KCNG3: variants seen among roughly 807,000 people sequenced by gnomAD.
The protein encoded by KCNG3 is potassium voltage-gated channel modifier subfamily G member 3, also known as voltage-gated potassium channel regulatory subunit KCNG3.
A neutral mutation model predicts 29.0 loss-of-function variants in KCNG3; 15 were observed. The observed-to-expected ratio is 0.52, with a 90% CI of 0.35 to 0.80. The LOEUF is 0.80. Ranked by LOEUF, KCNG3 falls within the 30% of genes least tolerant of loss-of-function variation. KCNG3 has a pLI of 0.01. For missense variants in KCNG3, 512 were observed against 605.7 expected, an observed-to-expected ratio of 0.85 and a Z score of 1.62; for synonymous variants, 322 against 248.9, an observed-to-expected ratio of 1.29 and a Z score of -2.76.
At chr2:42,454,708 A>G (rs1453810447) in intron 1 of KCNG3, among the ~76,000 whole-genome samples, 1 of 151,710 alleles carries the variant, frequency 6.6e-6, no homozygotes, top group Non-Finnish European at 1.5e-5. Flanking sequence ...CTGCCTCAAA[A>G]AAAGAAAAAA....
Position 42,444,868 on chromosome 2 carries a change from C to A in KCNG3, c.666-289G>T, listed in dbSNP as rs1252236662. On this transcript the variant is annotated intron_variant, in intron 1 of 1. Transcript: ENST00000306078. The surrounding 1 kb of genome is among the most constrained non-coding windows in gnomAD (Gnocchi z 5.8). ...CTTGAGCCCAGGAGTTCGAGACCAA[C>A]CTGGGCACCACAGCAAAACCCCGTC... Among the ~76,000 whole-genome samples, 2 of 146,456 alleles carry A rather than the reference C, an allele frequency of 1.4e-5. No individual in the cohort carries two copies. Among genetic ancestry groups the A allele is most frequent in the Non-Finnish European group, 3.0e-5 (2 of 67,018 alleles).
intron 1 of KCNG3, among the ~76,000 whole-genome samples, chr2:42,486,679 T>C (rs183491941): frequency 4.1e-4 from 63 of 152,278 alleles, no homozygotes; most frequent in Admixed American, 9.8e-4. Flanking sequence ...AGAACACTCT[T>C]CTCACTCAAC....
intron 1 of KCNG3, among the ~76,000 whole-genome samples, chr2:42,482,054 G>T (rs552849076): frequency 1.2e-3 from 183 of 152,234 alleles, no homozygotes; most frequent in Non-Finnish European, 2.3e-3. Context: ...AAACTCCTGG[G>T]CTCAAACAAA....
intron 1 of KCNG3, chr2:42,470,281 T>G (rs1366328272): frequency 2.7e-6 from 1 of 364,702 alleles, no homozygotes; most frequent in Non-Finnish European, 5.4e-6. Flanking sequence ...GTCTATGTAC[T>G]CACGCAATAA....
the KCNG3 span, among the ~76,000 whole-genome samples, chr2:42,405,464 CGTCTCACTCT>C: frequency 3.4e-5 from 5 of 149,120 alleles, no homozygotes; most frequent in Non-Finnish European, 7.4e-5. Flanking sequence ...TTTGAGACGG[CGTCTCACTCT>C]GTTTCCCAGG....
At chr2:42,459,725 C>T (rs1672968796) in intron 1 of KCNG3, among the ~76,000 whole-genome samples, 1 of 152,150 alleles carries the variant, frequency 6.6e-6, no homozygotes, top group Non-Finnish European at 1.5e-5. Flanking sequence ...GCCTGTAATC[C>T]CAGCTCTTTG....
chr2:42,433,225 T>C, the KCNG3 span, among the ~76,000 whole-genome samples: 6 of 152,226 alleles, frequency 3.9e-5, no homozygotes, highest in African/African-American at 1.2e-4. Context: ...TGGCATGATC[T>C]TATATATAGA....
intron 1 of KCNG3, among the ~76,000 whole-genome samples, chr2:42,483,296 G>A (rs930153349): frequency 2.6e-5 from 4 of 152,038 alleles, no homozygotes; most frequent in South Asian, 4.1e-4. Flanking sequence ...TATTTTAGAC[G>A]GAAATTTAGC....
chr2:42,460,466 C>G (rs1672987844), intron 1 of KCNG3, among the ~76,000 whole-genome samples: 1 of 152,000 alleles, frequency 6.6e-6, no homozygotes. Flanking sequence ...AAGATATACC[C>G]TCCCTAACAA....
the KCNG3 span, among the ~76,000 whole-genome samples, chr2:42,430,363 A>AAAATAAAT: frequency 1.9e-3 from 267 of 140,116 alleles, no homozygotes; most frequent in Middle Eastern, 7.2e-3. Context: ...GACTGTCTTA[A>AAAATAAAT]AAATAAATAA....
chr2:42,460,928 G>A (rs749549276), intron 1 of KCNG3, among the ~76,000 whole-genome samples: 4 of 152,068 alleles, frequency 2.6e-5, no homozygotes, highest in African/African-American at 4.8e-5. Flanking sequence ...TTGGGAGGCC[G>A]AGGTGGGCAG....
At chr2:42,391,516 G>A in the KCNG3 span, among the ~76,000 whole-genome samples, 2 of 151,374 alleles carry the variant, frequency 1.3e-5, no homozygotes, top group African/African-American at 2.4e-5. Context: ...TCCTGAGAAA[G>A]CTGTCCTTCC....
At chr2:42,429,910 A>C in the KCNG3 span, among the ~76,000 whole-genome samples, 1 of 152,090 alleles carries the variant, frequency 6.6e-6, no homozygotes, top group Non-Finnish European at 1.5e-5. Flanking sequence ...GAGCCACCAG[A>C]CTCAGCCAGG....
chr2:42,388,841 T>G, the KCNG3 span, among the ~76,000 whole-genome samples: 3 of 152,160 alleles, frequency 2.0e-5, no homozygotes, highest in Non-Finnish European at 4.4e-5. Flanking sequence ...TACCTTGATA[T>G]ATCTTGTCTC....
At chr2:42,471,581 T>C (rs1267359131) in intron 1 of KCNG3, among the ~76,000 whole-genome samples, 3 of 152,158 alleles carry the variant, frequency 2.0e-5, no homozygotes, top group Non-Finnish European at 2.9e-5. Flanking sequence ...TTGTACAATG[T>C]AGTGCGTATC....
In KCNG3 at chr2:42,448,374, TA is replaced by T. The variant is rs1252489288; in HGVS notation, c.666-3796del. Among the ~76,000 whole-genome samples, 978 of 151,790 alleles carry T rather than the reference TA, an allele frequency of 6.4e-3. 9 individuals carry two copies. The highest frequency in any genetic ancestry group is 0.022 in the African/African-American group (925 of 41,432). ...TTATTTATTTATTTATTTATTTATT[TA>T]TTTATTTATTTTTTGTATGGCATGC... On this transcript the variant is annotated intron_variant, in intron 1 of 1. Transcript: ENST00000306078.
At chr2:42,419,219 C>CTTTTTCTTTTTTT in the KCNG3 span, among the ~76,000 whole-genome samples, 1 of 27,712 alleles carries the variant, frequency 3.6e-5, no homozygotes, top group Non-Finnish European at 6.7e-5. Context: ...GATGGTATCT[C>CTTTTTCTTTTTTT]TTTTTTTTTT....
the KCNG3 span, among the ~76,000 whole-genome samples, chr2:42,426,097 A>T: frequency 6.6e-6 from 1 of 152,198 alleles, no homozygotes; most frequent in Admixed American, 6.5e-5. Flanking sequence ...TATTTCCTTA[A>T]GAACTGAAGA....
the KCNG3 span, among the ~76,000 whole-genome samples, chr2:42,433,449 G>A: frequency 6.6e-6 from 1 of 152,162 alleles, no homozygotes; most frequent in African/African-American, 2.4e-5. Flanking sequence ...CCAACCAGTT[G>A]GCTGAAGGGC....
Sources: gnomAD v4.1 joint callset for allele counts (sites outside exome capture counted in the v4.1 genomes callset) on GRCh38, gnomAD v4.1.1 for gene constraint, Gnocchi (gnomAD v3.1) non-coding constraint, MANE v1.5 for transcripts, NCBI Gene and HGNC (gene_info 2026-07-23, HGNC 2026-07-21) for gene names.